TRIM37: variants seen among roughly 807,000 people sequenced by gnomAD.
TRIM37 encodes the protein tripartite motif containing 37, also known as E3 ubiquitin-protein ligase TRIM37.
A neutral mutation model predicts 129.8 loss-of-function variants in TRIM37; 80 were observed. The observed-to-expected ratio is 0.62, with a 90% confidence interval of 0.51 to 0.74. The LOEUF (loss-of-function observed/expected upper bound fraction) is 0.74. TRIM37 is among the 30% of genes least tolerant of loss of function. TRIM37 has a pLI of 0.00. For missense variants in TRIM37, 1,054 were observed against 1,176.5 expected (o/e 0.90, Z 1.52); for synonymous variants, 389 against 387.1 (o/e 1.00, Z -0.06).
chr17:58,967,250 A>T, the TRIM37 span, among the ~76,000 whole-genome samples: 1 of 152,220 alleles, frequency 6.6e-6, no homozygotes, highest in Non-Finnish European at 1.5e-5. Context: ...AGAAATGCAG[A>T]AAAGTCTTAG....
chr17:59,035,525 A>G (rs1457628037), intron 17 of TRIM37, among the ~76,000 whole-genome samples: 1 of 150,708 alleles, frequency 6.6e-6, no homozygotes, highest in Non-Finnish European at 1.5e-5. Context: ...AGGCCGAGGC[A>G]GGTGGATTAC....
At chr17:58,988,663 A>C (rs1189006918) in intron 24 of TRIM37, among the ~76,000 whole-genome samples, 1 of 152,104 alleles carries the variant, frequency 6.6e-6, no homozygotes, top group Admixed American at 6.5e-5. Context: ...TATTTCCAGG[A>C]GGAGGACAGC....
At chr17:59,097,866 GC>G (rs2045059154) in intron 2 of TRIM37, among the ~76,000 whole-genome samples, 1 of 152,214 alleles carries the variant, frequency 6.6e-6, no homozygotes, top group African/African-American at 2.4e-5. Flanking sequence ...TGTTAAGACA[GC>G]AATATTACTC....
intron 22 of TRIM37, among the ~76,000 whole-genome samples, chr17:59,008,721 G>A (rs574587611): frequency 6.6e-6 from 1 of 152,212 alleles, no homozygotes; most frequent in African/African-American, 2.4e-5. Context: ...CATACAGCAA[G>A]ACCAAGTCTC....
At chr17:59,058,358 A>G (rs927771827) in intron 12 of TRIM37, among the ~76,000 whole-genome samples, 1 of 152,210 alleles carries the variant, frequency 6.6e-6, no homozygotes, top group African/African-American at 2.4e-5. Flanking sequence ...AAAGAAGGAA[A>G]CAACAGACAC....
intron 7 of TRIM37, 58 bp from the exon 8 acceptor site, chr17:59,075,772 T>A: frequency 2.3e-6 from 3 of 1,287,566 alleles, no homozygotes; most frequent in Non-Finnish European, 3.4e-6. Context: ...AAGAATGAAA[T>A]TAACTTCCAA....
intron 10 of TRIM37, among the ~76,000 whole-genome samples, chr17:59,063,097 C>T (rs1263571765): frequency 1.3e-5 from 2 of 151,112 alleles, no homozygotes; most frequent in African/African-American, 4.9e-5. Context: ...CTCAAAGAGA[C>T]TATGTTTTAG....
chr17:58,996,075 T>A (rs1221869848), downstream of TRIM37, among the ~76,000 whole-genome samples: 2 of 152,110 alleles, frequency 1.3e-5, no homozygotes, highest in African/African-American at 4.8e-5. Context: ...CCCAAATATT[T>A]AGTAATTACA....
At chr17:58,979,748 C>T (rs1322358999), downstream of TRIM37, among the ~76,000 whole-genome samples, 1 of 152,164 alleles carries the variant, frequency 6.6e-6, no homozygotes, top group African/African-American at 2.4e-5. Context: ...TAGGTAAGGA[C>T]TTATGCCCAG....
chr17:59,018,507 C>T (rs2036211472), intron 19 of TRIM37, among the ~76,000 whole-genome samples: 3 of 152,104 alleles, frequency 2.0e-5, no homozygotes, highest in African/African-American at 7.2e-5. Flanking sequence ...TTTTTAATAG[C>T]ATAAAATACA....
At chr17:59,077,315 G>T (rs559405245) in intron 7 of TRIM37, among the ~76,000 whole-genome samples, 4 of 151,388 alleles carry the variant, frequency 2.6e-5, no homozygotes, top group African/African-American at 7.3e-5. Flanking sequence ...CATTGCCCAG[G>T]CTGGGCTTAA....
intron 10 of TRIM37, among the ~76,000 whole-genome samples, chr17:59,063,060 C>T (rs2041630133): frequency 1.3e-5 from 2 of 152,014 alleles, no homozygotes; most frequent in Non-Finnish European, 2.9e-5. Context: ...CAAGAGTACA[C>T]TAAACCTTAA....
intron 24 of TRIM37, among the ~76,000 whole-genome samples, chr17:58,987,826 G>A (rs564344070): frequency 6.6e-6 from 1 of 152,144 alleles, no homozygotes; most frequent in African/African-American, 2.4e-5. Context: ...TCTGAATTCT[G>A]GTTTTAGGAT....
intron 13 of TRIM37, among the ~76,000 whole-genome samples, chr17:59,054,082 T>C (rs753424476): frequency 1.7e-4 from 26 of 152,172 alleles, no homozygotes; most frequent in Non-Finnish European, 1.6e-4. Flanking sequence ...TCCAGTATGC[T>C]CAAGAACAAA....
intron 24 of TRIM37, chr17:58,985,101 A>G (rs1835133026): frequency 6.6e-6 from 1 of 152,666 alleles, no homozygotes; most frequent in South Asian, 2.1e-4. Context: ...TTCATATTTT[A>G]TTAAAAGTGT....
chr17:59,098,884 GATAAAA>G (rs1441197962), intron 2 of TRIM37, among the ~76,000 whole-genome samples: 2 of 151,934 alleles, frequency 1.3e-5, no homozygotes, highest in African/African-American at 4.8e-5. Flanking sequence ...TCCATCAAGA[GATAAAA>G]ATGGATAAAT....
At chr17:59,054,651 C>T (rs2040663357) in intron 13 of TRIM37, among the ~76,000 whole-genome samples, 1 of 150,950 alleles carries the variant, frequency 6.6e-6, no homozygotes, top group South Asian at 2.1e-4. Context: ...TTAAACAGGG[C>T]TGTTGTTTTT....
chr17:58,975,922 G>C, the TRIM37 span, among the ~76,000 whole-genome samples: 1 of 152,130 alleles, frequency 6.6e-6, no homozygotes, highest in African/African-American at 2.4e-5. Flanking sequence ...GAGATGGATT[G>C]GTTGGTGGGA....
chr17:59,050,133 C>G (rs538623972), intron 14 of TRIM37, among the ~76,000 whole-genome samples: 1 of 152,168 alleles, frequency 6.6e-6, no homozygotes, highest in African/African-American at 2.4e-5. Flanking sequence ...AATTAATCTT[C>G]CCCAGTGCTC....
Sources: allele counts gnomAD v4.1 joint callset (sites outside exome capture counted in the v4.1 genomes callset), GRCh38; gene constraint gnomAD v4.1.1; transcripts MANE v1.5; gene names NCBI Gene and HGNC (gene_info 2026-07-23, HGNC 2026-07-21).